QTMAN: variants seen among roughly 807,000 people sequenced by gnomAD.
QTMAN encodes queuosine-tRNA mannosyltransferase.
chr2:143,990,259 G>A, the QTMAN span, among the ~76,000 whole-genome samples: 1 of 152,014 alleles, frequency 6.6e-6, no homozygotes, highest in South Asian at 2.1e-4. Flanking sequence ...TAGTTTAATT[G>A]GTATAAGGTA....
At chr2:144,195,073 C>T in the QTMAN span, among the ~76,000 whole-genome samples, 4 of 152,084 alleles carry the variant, frequency 2.6e-5, no homozygotes, top group African/African-American at 9.7e-5. Flanking sequence ...AAAGGTATTA[C>T]CTTTTTTCCT....
At chr2:144,213,379 C>T in the QTMAN span, among the ~76,000 whole-genome samples, 4 of 152,036 alleles carry the variant, frequency 2.6e-5, no homozygotes, top group African/African-American at 7.2e-5. Context: ...CAGTGATTTA[C>T]TGAAAAGTAT....
the QTMAN span, among the ~76,000 whole-genome samples, chr2:143,950,098 G>A: frequency 6.6e-6 from 1 of 151,718 alleles, no homozygotes; most frequent in African/African-American, 2.4e-5. Flanking sequence ...GGTAGACGAT[G>A]CTTAAAAATG....
the QTMAN span, among the ~76,000 whole-genome samples, chr2:144,110,784 C>T: frequency 2.0e-5 from 3 of 150,872 alleles, no homozygotes; most frequent in African/African-American, 7.3e-5. Flanking sequence ...CCATTCAAAA[C>T]CATCATGTAA....
At chr2:144,272,010 A>C in the QTMAN span, among the ~76,000 whole-genome samples, 1 of 152,048 alleles carries the variant, frequency 6.6e-6, no homozygotes. Context: ...CTATTTAAAC[A>C]TCCTCTATAT....
chr2:144,319,102 T>G, the QTMAN span, among the ~76,000 whole-genome samples: 1 of 152,198 alleles, frequency 6.6e-6, no homozygotes, highest in African/African-American at 2.4e-5. Context: ...TGAATTTAAT[T>G]TAGTTGATAG....
the QTMAN span, among the ~76,000 whole-genome samples, chr2:144,111,735 A>T: frequency 2.6e-5 from 4 of 152,154 alleles, no homozygotes; most frequent in Non-Finnish European, 4.4e-5. Context: ...TTCCAACATT[A>T]AGAGTTCTCA....
At chr2:144,199,661 T>A in the QTMAN span, among the ~76,000 whole-genome samples, 2 of 152,172 alleles carry the variant, frequency 1.3e-5, no homozygotes, top group Admixed American at 6.6e-5. Context: ...ATATATATAT[T>A]TTAATTCAAG....
chr2:144,271,139 TA>T, the QTMAN span, among the ~76,000 whole-genome samples: 1 of 152,214 alleles, frequency 6.6e-6, no homozygotes, highest in East Asian at 1.9e-4. Context: ...GTCTTTCAAC[TA>T]AATTTTCATA....
the QTMAN span, among the ~76,000 whole-genome samples, chr2:144,196,163 G>A: frequency 2.6e-5 from 4 of 151,542 alleles, no homozygotes; most frequent in African/African-American, 9.7e-5. Context: ...ACATTTGAAT[G>A]AGAAACTCCA....
At chr2:144,045,940 T>C in the QTMAN span, among the ~76,000 whole-genome samples, 7 of 152,226 alleles carry the variant, frequency 4.6e-5, no homozygotes, top group East Asian at 1.3e-3. Flanking sequence ...GGCTACAATA[T>C]ATAGTTGCTG....
chr2:144,063,211 C>G, the QTMAN span, among the ~76,000 whole-genome samples: 2 of 152,064 alleles, frequency 1.3e-5, no homozygotes, highest in Non-Finnish European at 2.9e-5. Flanking sequence ...TGGATTAAGT[C>G]CCTTAATCCA....
chr2:144,031,937 T>C, the QTMAN span, among the ~76,000 whole-genome samples: 2 of 152,026 alleles, frequency 1.3e-5, no homozygotes, highest in African/African-American at 4.8e-5. Flanking sequence ...CTAAAAACAT[T>C]AGCGCCGGCT....
chr2:143,958,785 T>TC, the QTMAN span, among the ~76,000 whole-genome samples: 4 of 147,780 alleles, frequency 2.7e-5, no homozygotes, highest in Middle Eastern at 3.5e-3. Flanking sequence ...TTTCTTTCTT[T>TC]TTTTTTTTTT....
chr2:144,191,954 C>T, the QTMAN span, among the ~76,000 whole-genome samples: 2,543 of 152,126 alleles, frequency 0.017, 70 homozygotes, highest in African/African-American at 0.058. Flanking sequence ...CAATGACAAA[C>T]GTAAAAACAT....
chr2:144,268,016 T>C, the QTMAN span, among the ~76,000 whole-genome samples: 1 of 152,194 alleles, frequency 6.6e-6, no homozygotes, highest in African/African-American at 2.4e-5. Flanking sequence ...ATGTTGAAAT[T>C]TGATTTCCAA....
At chr2:144,211,361 T>G in the QTMAN span, 2 of 152,664 alleles carry the variant, frequency 1.3e-5, no homozygotes, top group East Asian at 3.9e-4. Context: ...TTTTTTCTGC[T>G]GGCCAATGGG....
At chr2:144,154,202 G>T in the QTMAN span, among the ~76,000 whole-genome samples, 1 of 152,194 alleles carries the variant, frequency 6.6e-6, no homozygotes. Flanking sequence ...TATTTACTGA[G>T]TGGCCAGACT....
chr2:144,256,990 T>C, the QTMAN span, among the ~76,000 whole-genome samples: 6 of 151,862 alleles, frequency 4.0e-5, no homozygotes, highest in Admixed American at 3.3e-4. Flanking sequence ...TATCAGGATA[T>C]TTTACTACTA....
Sources: gnomAD v4.1 joint callset for allele counts (sites outside exome capture counted in the v4.1 genomes callset) on GRCh38, gnomAD v4.1.1 for gene constraint, MANE v1.5 for transcripts, NCBI Gene and HGNC (gene_info 2026-07-23, HGNC 2026-07-21) for gene names.